Variants in KMO observed in about 807,000 individuals in gnomAD.
The protein encoded by KMO is kynurenine 3-hydroxylase.
In KMO, 24 loss-of-function variants were observed where a neutral mutation model predicts 57.8. The ratio of observed to expected loss-of-function variants is 0.42; its 90% CI spans 0.30 to 0.58. The LOEUF (loss-of-function observed/expected upper bound fraction) is 0.58, where lower values mean the gene tolerates loss of function less well. Ranked by LOEUF, KMO falls within the 20% of genes least tolerant of loss-of-function variation. KMO has a pLI of 0.22. For missense variants in KMO, 483 were observed against 588.2 expected (o/e 0.82, Z 1.85); for synonymous variants, 210 against 193.6 (o/e 1.08, Z -0.70).
At position 241,595,238 on chromosome 1, in the gene KMO, C is replaced by G. The variant is rs973512792; in HGVS notation, c.*3085C>G. 16 of 152,312 alleles carry G rather than the reference C, an allele frequency of 1.1e-4. No individual in the cohort carries two copies. The highest frequency in any genetic ancestry group is 3.1e-4 in the African/African-American group (13 of 41,420). The allele number at this position is 152,312 out of a possible 1,614,324, so 9.4% of individuals were successfully genotyped here. On this transcript the variant is annotated 3_prime_UTR_variant, in exon 15 of 15. Transcript: ENST00000366559. ...ACTAATGTCATCAACAAACATTGTT[C>G]TTCTCCGTGTCCTGGGTACAACATC...
At chr1:241,547,364 T>A (rs550519899) in intron 1 of KMO, among the ~76,000 whole-genome samples, 4 of 152,132 alleles carry the variant, frequency 2.6e-5, no homozygotes, top group African/African-American at 9.7e-5. Flanking sequence ...GAATGGAAGA[T>A]ATTTTTAATG....
intron 10 of KMO, among the ~76,000 whole-genome samples, chr1:241,574,672 T>C (rs545902918): frequency 8.5e-5 from 13 of 152,052 alleles, no homozygotes; most frequent in Admixed American, 8.5e-4. Context: ...GGTTAGCTAG[T>C]ATGTTGCTGA....
chr1:241,557,328 C>A (rs1024227186), intron 5 of KMO, among the ~76,000 whole-genome samples: 5 of 152,186 alleles, frequency 3.3e-5, no homozygotes, highest in Admixed American at 1.3e-4. Context: ...TTATTCCCAG[C>A]AAAGCATGCC....
intron 2 of KMO, among the ~76,000 whole-genome samples, chr1:241,549,186 G>A (rs955862742): frequency 1.7e-5 from 2 of 120,972 alleles, no homozygotes; most frequent in Admixed American, 8.7e-5. Context: ...GAAAGAGAGA[G>A]AGAGAGAAAG....
At chr1:241,555,719 T>TAG in intron 5 of KMO, 59 bp downstream of exon 5, 1 of 989,896 alleles carries the variant, frequency 1.0e-6, no homozygotes, top group Non-Finnish European at 1.6e-6. Context: ...GACACTAATC[T>TAG]TGTCATATGA....
rs553142452 is a variant in KMO at position 241,572,269 on chromosome 1, A to C, written c.957+3622A>C. Among the ~76,000 whole-genome samples, 17 of 152,178 alleles carry C rather than the reference A, an allele frequency of 1.1e-4. 1 individual carries two copies. In the South Asian group the frequency reaches 3.1e-3, roughly 28 times the overall value. On this transcript the variant is annotated intron_variant, in intron 10 of 14. Coordinates refer to ENST00000366559, the MANE Select transcript of KMO (RefSeq NM_003679.5). ...TTTTTGTTACTGCTTCTATCTTGTT[A>C]CTTGTTAATGGTGGAATTTCTTTAT...
At chr1:241,565,587 G>C (rs1395765169) in intron 8 of KMO, among the ~76,000 whole-genome samples, 1 of 149,500 alleles carries the variant, frequency 6.7e-6, no homozygotes, top group Non-Finnish European at 1.5e-5. Context: ...AAAATGCCAG[G>C]CATGGTGACA....
At chr1:241,541,024 G>C (rs1406263013) in intron 1 of KMO, among the ~76,000 whole-genome samples, 1 of 152,192 alleles carries the variant, frequency 6.6e-6, no homozygotes, top group Non-Finnish European at 1.5e-5. Flanking sequence ...TCTCAGCCTT[G>C]CATGCCTGCC....
chr1:241,549,080 G>A lies in KMO; in HGVS notation c.124+182G>A, dbSNP rs905448527. On this transcript the variant is annotated intron_variant, in intron 2 of 14. Transcript: ENST00000366559. The stretch of plus-strand genomic sequence containing the variant: ...CTGGTGTGGTGGTGTGTGGTAGGAG[G>A]ATTGCTTGGACCCAGGAGGCGGAGG... 9.2e-5 allele frequency among the ~76,000 whole-genome samples: 14 copies of A among 151,632 alleles called. 1 individual carries two copies. Among genetic ancestry groups the A allele is most frequent in the African/African-American group, 3.4e-4 (14 of 41,294 alleles).
rs1305168779 is a variant in KMO, at chr1:241,548,854, T to G, written c.80T>G (p.Leu27Arg). The change falls in exon 2 of 15, where the codon CTT becomes CGT. Residue 27 changes from leucine (L) to arginine (R), a missense_variant. By Grantham distance (102) the Leu-to-Arg change is moderately radical. Around this residue, in one of 3 missense-constraint regions of KMO, gnomAD observed 70 missense variants for 78.4 expected, o/e 0.89. Transcript: ENST00000366559. ...GLVGSLQACF[L>R]AKRNFQIDVY... ...GTTGGCTCATTACAAGCATGCTTTCTTGCAAAGAGGAATTTCCAGATTGAT... is the reference window on the plus strand; with the variant it reads ...GTTGGCTCATTACAAGCATGCTTTCGTGCAAAGAGGAATTTCCAGATTGAT... 6.2e-7 allele frequency: 1 copy of G among 1,605,242 alleles called. No individual in the cohort carries two copies. Among genetic ancestry groups the G allele is most frequent in the Non-Finnish European group, 8.5e-7 (1 of 1,172,520 alleles).
chr1:241,557,395 C>G (rs1380662359), intron 5 of KMO, among the ~76,000 whole-genome samples: 4 of 152,110 alleles, frequency 2.6e-5, no homozygotes, highest in Admixed American at 2.6e-4. Flanking sequence ...CCAGTAGACT[C>G]TGATTTTTAA....
intron 6 of KMO, chr1:241,561,920 C>T: frequency 2.5e-6 from 1 of 403,016 alleles, no homozygotes; most frequent in Non-Finnish European, 4.5e-6. Context: ...AATCCTGTCA[C>T]ACTTCTGTGG....
intron 5 of KMO, among the ~76,000 whole-genome samples, chr1:241,557,847 A>G (rs1573916829): frequency 1.3e-5 from 2 of 152,314 alleles, no homozygotes; most frequent in East Asian, 3.9e-4. Flanking sequence ...AGAAAACTCC[A>G]CAAAACAGCT....
chr1:241,558,344 T>C (rs1661714734), intron 5 of KMO, among the ~76,000 whole-genome samples: 1 of 152,218 alleles, frequency 6.6e-6, no homozygotes, highest in Non-Finnish European at 1.5e-5. Flanking sequence ...ATCTCTTCAC[T>C]CTTAAACTTT....
At chr1:241,533,708 A>G (rs1467212448) in intron 1 of KMO, among the ~76,000 whole-genome samples, 1 of 152,214 alleles carries the variant, frequency 6.6e-6, no homozygotes, top group Non-Finnish European at 1.5e-5. Context: ...CAGAGAAGAA[A>G]AAGACAAGGA....
At chr1:241,582,767 G>T (rs532706046) in intron 10 of KMO, among the ~76,000 whole-genome samples, 23 of 152,272 alleles carry the variant, frequency 1.5e-4, no homozygotes, top group Admixed American at 8.5e-4. Context: ...TTGGTCACTG[G>T]TGCCTTATTT....
At chr1:241,550,029 TG>T (rs999509983) in intron 3 of KMO, 2 of 340,932 alleles carry the variant, frequency 5.9e-6, no homozygotes, top group Admixed American at 4.8e-5. Context: ...CGTCACTGCC[TG>T]TAGAAAGTGA....
At chr1:241,582,779 G>A (rs1488786964) in intron 10 of KMO, among the ~76,000 whole-genome samples, 1 of 152,150 alleles carries the variant, frequency 6.6e-6, no homozygotes. Flanking sequence ...GCCTTATTTA[G>A]TTCGTTTGGT....
chr1:241,554,214 C>G (rs1283291871), intron 4 of KMO, among the ~76,000 whole-genome samples: 4 of 150,706 alleles, frequency 2.7e-5, no homozygotes, highest in African/African-American at 9.7e-5. Context: ...TTTTTTATTA[C>G]ATAATACTTT....
Sources: gnomAD v4.1 joint callset for allele counts (sites outside exome capture counted in the v4.1 genomes callset) on GRCh38, gnomAD v4.1.1 for gene constraint, gnomAD v4.1.1 regional missense constraint, MANE v1.5 for transcripts, NCBI Gene and HGNC (gene_info 2026-07-23, HGNC 2026-07-21) for gene names.